The following KCNB2 variants were observed in gnomAD, a reference collection of about 807,000 sequenced individuals.
KCNB2 encodes delayed rectifier potassium channel protein.
In KCNB2, 15 loss-of-function variants were observed where a neutral mutation model predicts 61.5. That is an observed-to-expected ratio of 0.24 (90% CI 0.16 to 0.38). The LOEUF is 0.38. KCNB2 is among the 10% of genes least tolerant of loss of function. KCNB2 has a pLI of 1.00. For missense variants in KCNB2, 828 were observed against 1,125.2 expected (o/e 0.74, Z 3.78); for synonymous variants, 457 against 446.0 (o/e 1.02, Z -0.31).
At chr8:72,831,739 C>T (rs182084090) in intron 2 of KCNB2, among the ~76,000 whole-genome samples, 66 of 152,270 alleles carry the variant, frequency 4.3e-4, no homozygotes, top group African/African-American at 1.2e-3. Context: ...ACTTCAAGAA[C>T]CCATAACAAA....
At chr8:72,761,394 C>T (rs959112185) in intron 2 of KCNB2, among the ~76,000 whole-genome samples, 1 of 152,178 alleles carries the variant, frequency 6.6e-6, no homozygotes, top group Non-Finnish European at 1.5e-5. Context: ...CATGCATTCA[C>T]AAATGAGCCC....
At chr8:72,597,552 G>T (rs750909127) in intron 2 of KCNB2, among the ~76,000 whole-genome samples, 1 of 152,182 alleles carries the variant, frequency 6.6e-6, no homozygotes, top group Non-Finnish European at 1.5e-5. Context: ...TACCATTATA[G>T]AAATTGATTT....
At chr8:72,582,343 T>C (rs28531952) in intron 2 of KCNB2, among the ~76,000 whole-genome samples, 24,405 of 152,142 alleles carry the variant, frequency 0.16, 2,459 homozygotes, top group East Asian at 0.47. Flanking sequence ...CTACGGGAGA[T>C]TGGAATAGAG....
chr8:72,724,824 A>G (rs1338386268), intron 2 of KCNB2, among the ~76,000 whole-genome samples: 1 of 152,168 alleles, frequency 6.6e-6, no homozygotes, highest in African/African-American at 2.4e-5. Flanking sequence ...GATCTAGCAT[A>G]ATACCTAACA....
In KCNB2 at chr8:72,588,222, T is replaced by TC. The variant is rs1287536263; in HGVS notation, c.579+19909_579+19910insC. 8.0e-5 allele frequency among the ~76,000 whole-genome samples: 12 copies of TC among 149,662 alleles called. No individual in the cohort carries two copies. In the East Asian group the frequency reaches 1.2e-3, roughly 14 times the overall value. On this transcript the variant is annotated intron_variant, in intron 2 of 2. Transcript: ENST00000523207. ...GAGTCTCTCTGGGTTTCTTTTCTTT[T>TC]TTTTTTTTTTTTTGAGACAGAGTTT... is the stretch of plus-strand genomic sequence containing the variant.
chr8:72,884,542 A>T (rs1415055472), intron 2 of KCNB2, among the ~76,000 whole-genome samples: 1 of 152,140 alleles, frequency 6.6e-6, no homozygotes, highest in African/African-American at 2.4e-5. Flanking sequence ...TTGAGGTCAT[A>T]AATATATTTT....
intron 2 of KCNB2, among the ~76,000 whole-genome samples, chr8:72,622,410 G>A (rs1053525213): frequency 6.6e-6 from 1 of 152,092 alleles, no homozygotes; most frequent in African/African-American, 2.4e-5. Flanking sequence ...TTCAAACATG[G>A]TATTAACATA....
At chr8:72,603,628 A>G (rs1473764537) in intron 2 of KCNB2, among the ~76,000 whole-genome samples, 1 of 152,120 alleles carries the variant, frequency 6.6e-6, no homozygotes, top group Non-Finnish European at 1.5e-5. Flanking sequence ...ATTGTCCCAG[A>G]GTGAATCCTG....
chr8:72,561,691 T>TTATATATATATA (rs1172254677), intron 1 of KCNB2, among the ~76,000 whole-genome samples: 5 of 19,404 alleles, frequency 2.6e-4, no homozygotes, highest in South Asian at 2.8e-3. Flanking sequence ...GATCTTACTT[T>TTATATATATATA]TATATATATA....
chr8:72,637,778 A>T (rs969485561), intron 2 of KCNB2, among the ~76,000 whole-genome samples: 2 of 152,184 alleles, frequency 1.3e-5, no homozygotes, highest in African/African-American at 4.8e-5. Flanking sequence ...CTCACTAAAG[A>T]CGTGCCATCA....
At chr8:72,548,129 C>T (rs934982529) in intron 1 of KCNB2, among the ~76,000 whole-genome samples, 2 of 152,148 alleles carry the variant, frequency 1.3e-5, no homozygotes, top group South Asian at 2.1e-4. Context: ...CATTTTTAAT[C>T]GAAATAATAT....
chr8:72,571,888 T>G (rs1806715926), intron 2 of KCNB2, among the ~76,000 whole-genome samples: 1 of 152,158 alleles, frequency 6.6e-6, no homozygotes, highest in African/African-American at 2.4e-5. Context: ...CCAGGGCAAT[T>G]TAGTCAGTCT....
intron 2 of KCNB2, among the ~76,000 whole-genome samples, chr8:72,600,209 A>T (rs1262776675): frequency 6.6e-6 from 1 of 152,188 alleles, no homozygotes; most frequent in African/African-American, 2.4e-5. Context: ...TCCAACAATG[A>T]TAGACTGGAT....
At chr8:72,748,609 G>GTTTTTTTTT (rs758100543) in intron 2 of KCNB2, among the ~76,000 whole-genome samples, 1 of 91,830 alleles carries the variant, frequency 1.1e-5, no homozygotes, top group Non-Finnish European at 2.2e-5. Flanking sequence ...TTTTTTTTTT[G>GTTTTTTTTT]TTGTTTTTTT....
At chr8:72,608,972 T>G (rs1047539948) in intron 2 of KCNB2, among the ~76,000 whole-genome samples, 33 of 152,148 alleles carry the variant, frequency 2.2e-4, no homozygotes, top group Non-Finnish European at 4.4e-5. Context: ...TTAGTGCAAT[T>G]ATGTATAACA....
chr8:72,898,211 G>C (rs13251360), intron 2 of KCNB2, among the ~76,000 whole-genome samples: 28,703 of 151,932 alleles, frequency 0.19, 2,926 homozygotes, highest in Non-Finnish European at 0.23. Flanking sequence ...CTTTAACATT[G>C]GAAAGCTGAC....
intron 2 of KCNB2, among the ~76,000 whole-genome samples, chr8:72,781,783 A>T (rs141763842): frequency 0.032 from 4,886 of 152,292 alleles, 111 homozygotes; most frequent in Non-Finnish European, 0.046. Context: ...ATGCAGCCAT[A>T]AAAAGGAATG....
chr8:72,632,048 G>A (rs1450429626), intron 2 of KCNB2, among the ~76,000 whole-genome samples: 9 of 152,094 alleles, frequency 5.9e-5, no homozygotes, highest in Admixed American at 2.6e-4. Flanking sequence ...ACCAATCTGG[G>A]CAACATGGCA....
chr8:72,632,815 G>A (rs775381460), intron 2 of KCNB2, among the ~76,000 whole-genome samples: 4 of 152,088 alleles, frequency 2.6e-5, no homozygotes, highest in South Asian at 2.1e-4. Flanking sequence ...TCCAACCCCC[G>A]CCCAATATGG....
Sources: allele counts gnomAD v4.1 joint callset (sites outside exome capture counted in the v4.1 genomes callset), GRCh38; gene constraint gnomAD v4.1.1; transcripts MANE v1.5; gene names NCBI Gene and HGNC (gene_info 2026-07-23, HGNC 2026-07-21).